The following FAP variants were observed in gnomAD, a reference collection of about 807,000 sequenced individuals.
The protein encoded by FAP is fibroblast activation protein alpha, also known as prolyl endopeptidase FAP.
In FAP, 110 loss-of-function variants were observed where a neutral mutation model predicts 126.5. The observed-to-expected ratio is 0.87, with a 90% CI of 0.74 to 1.02. The LOEUF is 1.02. Ranked by LOEUF, FAP falls within the 50% of genes least tolerant of loss-of-function variation. FAP has a pLI of 0.00. For missense variants in FAP, 919 were observed against 909.2 expected (o/e 1.01, Z -0.14); for synonymous variants, 334 against 297.3 (o/e 1.12, Z -1.27).
intron 7 of FAP, 46 bp downstream of exon 7, chr2:162,219,807 C>G (rs774279991): frequency 1.5e-6 from 2 of 1,327,284 alleles, no homozygotes; most frequent in Non-Finnish European, 1.1e-6. Flanking sequence ...CAAATGGCTC[C>G]TCTTTTATTT....
At chr2:162,197,800 C>T (rs1688314764) in intron 16 of FAP, 6 of 355,534 alleles carry the variant, frequency 1.7e-5, no homozygotes, top group South Asian at 1.1e-4. Flanking sequence ...CATACCCCTA[C>T]CAGGGGAGCT....
intron 6 of FAP, among the ~76,000 whole-genome samples, chr2:162,222,200 G>C (rs943007757): frequency 6.6e-6 from 1 of 152,160 alleles, no homozygotes; most frequent in Non-Finnish European, 1.5e-5. Context: ...GACATGATGA[G>C]AGCTTTGAGA....
intron 12 of FAP, among the ~76,000 whole-genome samples, chr2:162,206,462 C>A (rs1329777950): frequency 6.6e-6 from 1 of 152,192 alleles, no homozygotes; most frequent in Non-Finnish European, 1.5e-5. Context: ...AGCGGATGCC[C>A]TAAACTGAGT....
At chr2:162,179,821 T>G (rs1161788567) in intron 21 of FAP, among the ~76,000 whole-genome samples, 1 of 147,708 alleles carries the variant, frequency 6.8e-6, no homozygotes, top group East Asian at 1.9e-4. Flanking sequence ...TATTTTTTTT[T>G]TTTTTGAGAT....
chr2:162,218,920 C>T, intron 8 of FAP, 143 bp downstream of exon 8: 1 of 549,276 alleles, frequency 1.8e-6, no homozygotes, highest in Non-Finnish European at 3.0e-6. Flanking sequence ...ATACGTATGC[C>T]CTATTCGTAA....
rs1206502227 is a variant in FAP at position 162,179,812 on chromosome 2, ATTTT to A, written c.1869+3598_1869+3601del. Among the ~76,000 whole-genome samples the A allele has an allele frequency of 7.4e-4, 67 of 90,554 alleles. 1 individual carries two copies. The highest frequency in any genetic ancestry group is 2.3e-3 in the African/African-American group (63 of 27,804). 59.4% of individuals were successfully genotyped at this position (90,554 alleles called of 152,430 possible). A position where few individuals can be genotyped will look rare whatever the true frequency, so the allele number is the denominator to read the frequency against. ...TATCTATATATATATATATATATAT[ATTTT>A]TTTTTTTTTTGAGATGGAGTCTCGC... On this transcript the variant is annotated intron_variant, in intron 21 of 25. Coordinates refer to ENST00000188790, the MANE Select transcript of FAP (RefSeq NM_004460.5).
intron 12 of FAP, 91 bp downstream of exon 12, chr2:162,209,861 T>C (rs1688854858): frequency 5.5e-6 from 6 of 1,087,772 alleles, no homozygotes; most frequent in Non-Finnish European, 8.4e-6. Context: ...AAATAAGTAG[T>C]GCCAGTTTGG....
chr2:162,240,097 A>G (rs1050735661), intron 2 of FAP, among the ~76,000 whole-genome samples: 1 of 152,210 alleles, frequency 6.6e-6, no homozygotes, highest in Non-Finnish European at 1.5e-5. Context: ...AAGAACCTCA[A>G]AAGAAAAAGT....
At chr2:162,180,433 C>G (rs1469285503) in intron 21 of FAP, among the ~76,000 whole-genome samples, 2 of 152,188 alleles carry the variant, frequency 1.3e-5, no homozygotes. Context: ...GAAATGCACT[C>G]TCAGGCCCCA....
chr2:162,198,675 C>A, intron 16 of FAP, 82 bp downstream of exon 16: 1 of 1,481,934 alleles, frequency 6.7e-7, no homozygotes, highest in Non-Finnish European at 9.3e-7. Context: ...TTAACTGTAG[C>A]TACGAATTGA....
chr2:162,226,768 AT>A (rs1689670674), intron 2 of FAP, 147 bp from the exon 3 acceptor site: 1 of 511,930 alleles, frequency 2.0e-6, no homozygotes, highest in Admixed American at 4.1e-5. Context: ...CATCATAACT[AT>A]TATTATTAAT....
intron 9 of FAP, among the ~76,000 whole-genome samples, chr2:162,216,794 C>A (rs1396371481): frequency 6.6e-6 from 1 of 152,282 alleles, no homozygotes; most frequent in South Asian, 2.1e-4. Context: ...TTAGGACCTC[C>A]GTTTCACTCC....
At position 162,184,186 on chromosome 2, in the gene FAP, T is replaced by C. The variant is rs979561328; in HGVS notation, c.1815-718A>G. Among the ~76,000 whole-genome samples the C allele has an allele frequency of 2.6e-5, 4 of 152,106 alleles. 1 individual carries two copies. The highest frequency in any genetic ancestry group is 2.4e-5 in the African/African-American group (1 of 41,424). ...CCTGAGGGCTGGTGTTCTAGAGCAA[T>C]TGTGATTTATCTGGGGATTGGTTTG... On this transcript the variant is annotated intron_variant, in intron 20 of 25. Transcript: ENST00000188790.
intron 2 of FAP, among the ~76,000 whole-genome samples, chr2:162,240,111 T>C (rs1368268583): frequency 1.3e-5 from 2 of 151,972 alleles, no homozygotes; most frequent in Non-Finnish European, 2.9e-5. Flanking sequence ...AAAAAGTGAA[T>C]GGAGGTAGGA....
chr2:162,189,253 C>A, intron 18 of FAP, 81 bp from the exon 19 acceptor site: 2 of 723,154 alleles, frequency 2.8e-6, no homozygotes, highest in South Asian at 4.6e-5. Context: ...ACAATATATG[C>A]AATAAAATCA....
At chr2:162,199,774 A>T (rs375880700) in intron 15 of FAP, among the ~76,000 whole-genome samples, 1 of 152,248 alleles carries the variant, frequency 6.6e-6, no homozygotes, top group East Asian at 1.9e-4. Context: ...TTTTTAACAC[A>T]TAAAGTAAGA....
rs369174081 is a variant in FAP at position 162,188,363 on chromosome 2, C to T, written c.1620G>A (p.Val540=). 6 of 1,607,858 alleles carry T rather than the reference C, an allele frequency of 3.7e-6. No homozygotes were observed. In the South Asian group the frequency reaches 5.5e-5, roughly 15 times the overall value. ...RSKKYPLLIQ[V]YGGPCSQSVR... ...CACTCTGACTGCAGGGACCACCATA[C>T]CTAAAGGAAAAACAAAAAAAACAAG... Residue 540 remains valine (V), a splice_region_variant and synonymous_variant, in exon 20 of 26, where the codon GTG becomes GTA. Coordinates refer to ENST00000188790, the MANE Select transcript of FAP (RefSeq NM_004460.5).
rs141164402 is a variant in FAP at position 162,189,458 on chromosome 2, A to T, written c.1549+198T>A. 1.8e-3 allele frequency among the ~76,000 whole-genome samples: 276 copies of T among 152,120 alleles called. 1 individual carries two copies. Among genetic ancestry groups the T allele is most frequent in the African/African-American group, 6.2e-3 (256 of 41,562 alleles). On this transcript the variant is annotated intron_variant, in intron 18 of 25. Transcript: ENST00000188790. ...GGAAAGGAAGCTATTGAAAAGGTATAAGATCAACCATGTTCACAAACATAT... is the reference window on the plus strand; with the variant it reads ...GGAAAGGAAGCTATTGAAAAGGTATTAGATCAACCATGTTCACAAACATAT...
In FAP at chr2:162,194,687, G is replaced by T; in HGVS notation, c.1450+14C>A. 2 of 1,611,912 alleles carry T rather than the reference G, an allele frequency of 1.2e-6. No homozygotes were observed. Among genetic ancestry groups the T allele is most frequent in the Non-Finnish European group, 1.7e-6 (2 of 1,178,134 alleles). On this transcript the variant is annotated intron_variant, in intron 17 of 25. Transcript: ENST00000188790. ...TTACTTGAGACAAGATAGATAACAT[G>T]CAAGAGAGAGTACCTTGATCAGTGC...
Sources: allele counts gnomAD v4.1 joint callset (sites outside exome capture counted in the v4.1 genomes callset), GRCh38; gene constraint gnomAD v4.1.1; transcripts MANE v1.5; gene names NCBI Gene and HGNC (gene_info 2026-07-23, HGNC 2026-07-21).